ETV6: variants seen among roughly 807,000 people sequenced by gnomAD.
ETV6 encodes transcription factor ETV6.
A neutral mutation model predicts 51.1 loss-of-function variants in ETV6; 16 were observed. The ratio of observed to expected loss-of-function variants is 0.31; its 90% CI spans 0.21 to 0.48. The LOEUF (loss-of-function observed/expected upper bound fraction) is 0.48, where lower values mean the gene tolerates loss of function less well. Among genes scored for constraint, ETV6 ranks in the 20% least tolerant of loss-of-function variants. The pLI is 0.99. For missense variants in ETV6, 458 were observed against 594.8 expected (o/e 0.77, Z 2.39); for synonymous variants, 240 against 224.1 (o/e 1.07, Z -0.64).
In ETV6 at chr12:11,868,158, C is replaced by T. The variant is rs554211918; in HGVS notation, c.464-1266C>T. 6.6e-5 allele frequency among the ~76,000 whole-genome samples: 10 copies of T among 152,262 alleles called. No individual in the cohort carries two copies. In the South Asian group the frequency reaches 1.7e-3, roughly 25 times the overall value. On this transcript the variant is annotated intron_variant, in intron 4 of 7. Coordinates refer to ENST00000396373, the MANE Select transcript of ETV6 (RefSeq NM_001987.5). ...TTTCAAGTTCAGTAAGATTGTCATT[C>T]TGTAAATTGGGGCCACTGTGCATGC... is the stretch of plus-strand genomic sequence containing the variant.
intron 1 of ETV6, among the ~76,000 whole-genome samples, chr12:11,664,860 C>T (rs1417963646): frequency 1.3e-5 from 2 of 152,310 alleles, no homozygotes; most frequent in African/African-American, 2.4e-5. Context: ...CCCAACACAA[C>T]TTGGAATGAT....
chr12:11,667,632 C>T (rs551643874), intron 1 of ETV6, among the ~76,000 whole-genome samples: 1 of 150,618 alleles, frequency 6.6e-6, no homozygotes, highest in East Asian at 1.9e-4. Context: ...TGGGCTCCAG[C>T]GATCCTCCCA....
intron 2 of ETV6, among the ~76,000 whole-genome samples, chr12:11,798,359 C>T (rs560064056): frequency 1.1e-4 from 16 of 152,116 alleles, no homozygotes; most frequent in South Asian, 2.1e-4. Flanking sequence ...ATTATAAGAT[C>T]GGGGGCAGAA....
At chr12:11,656,830 T>G (rs1864008158) in intron 1 of ETV6, among the ~76,000 whole-genome samples, 1 of 152,180 alleles carries the variant, frequency 6.6e-6, no homozygotes, top group South Asian at 2.1e-4. Context: ...ACAACTTTTT[T>G]TTTTTTCCTT....
intron 5 of ETV6, among the ~76,000 whole-genome samples, chr12:11,878,166 A>G (rs1442826249): frequency 3.3e-5 from 5 of 152,204 alleles, no homozygotes; most frequent in African/African-American, 1.2e-4. Context: ...GGGAGGAGCC[A>G]TCACTCCAGC....
At chr12:11,884,710 C>G in intron 6 of ETV6, 123 bp downstream of exon 6, 1 of 1,243,446 alleles carries the variant, frequency 8.0e-7, no homozygotes, top group Admixed American at 2.4e-5. Flanking sequence ...TAGTTTATTC[C>G]TTGCTGGGCA....
intron 3 of ETV6, among the ~76,000 whole-genome samples, chr12:11,850,537 G>A (rs1402299249): frequency 6.6e-6 from 1 of 152,084 alleles, no homozygotes; most frequent in Non-Finnish European, 1.5e-5. Context: ...TAGTAATGAT[G>A]GGAGTGTTTG....
chr12:11,651,362 C>T (rs995530279), intron 1 of ETV6, among the ~76,000 whole-genome samples: 4 of 152,150 alleles, frequency 2.6e-5, no homozygotes, highest in African/African-American at 9.7e-5. Flanking sequence ...GTAGGGGAAA[C>T]GCAGTAGTTC....
chr12:11,840,161 C>T (rs532895213), intron 3 of ETV6, among the ~76,000 whole-genome samples: 3 of 152,262 alleles, frequency 2.0e-5, no homozygotes, highest in African/African-American at 7.2e-5. Flanking sequence ...CTAAAAAATA[C>T]AAGCAGAGGT....
intron 2 of ETV6, among the ~76,000 whole-genome samples, chr12:11,790,635 A>AAC (rs60479342): frequency 0.086 from 12,883 of 150,226 alleles, 623 homozygotes; most frequent in South Asian, 0.12. Context: ...CTTTCATATA[A>AAC]TTTCCGTTAA....
intron 1 of ETV6, among the ~76,000 whole-genome samples, chr12:11,734,683 T>G (rs1865669618): frequency 6.6e-6 from 1 of 152,174 alleles, no homozygotes; most frequent in South Asian, 2.1e-4. Context: ...GGGCATTATC[T>G]CCTCTAATCC....
intron 1 of ETV6, among the ~76,000 whole-genome samples, chr12:11,658,197 C>A (rs1393580229): frequency 6.6e-6 from 1 of 152,196 alleles, no homozygotes; most frequent in Non-Finnish European, 1.5e-5. Flanking sequence ...TCTGTGCCCA[C>A]ATTATACAGT....
intron 2 of ETV6, among the ~76,000 whole-genome samples, chr12:11,815,389 AACTGG>A (rs1416860468): frequency 2.0e-5 from 3 of 152,206 alleles, no homozygotes; most frequent in Non-Finnish European, 4.4e-5. Flanking sequence ...CCTGCAAGGC[AACTGG>A]TCCACATGGA....
chr12:11,726,309 A>C (rs950708242), intron 1 of ETV6, among the ~76,000 whole-genome samples: 1 of 152,196 alleles, frequency 6.6e-6, no homozygotes, highest in Non-Finnish European at 1.5e-5. Flanking sequence ...TTTCCTCAGG[A>C]AACAGTACCA....
chr12:11,872,600 TC>T (rs1946898303), intron 5 of ETV6, among the ~76,000 whole-genome samples: 2 of 151,964 alleles, frequency 1.3e-5, no homozygotes, highest in South Asian at 4.2e-4. Flanking sequence ...TTCAAGTGAT[TC>T]TCGTGCCTCA....
intron 2 of ETV6, among the ~76,000 whole-genome samples, chr12:11,794,640 T>C (rs1945650852): frequency 6.6e-6 from 1 of 152,204 alleles, no homozygotes; most frequent in East Asian, 1.9e-4. Flanking sequence ...TCTTGAGGTA[T>C]TTTCCTTTTA....
At chr12:11,671,206 A>G (rs1380708970) in intron 1 of ETV6, among the ~76,000 whole-genome samples, 1 of 152,172 alleles carries the variant, frequency 6.6e-6, no homozygotes, top group African/African-American at 2.4e-5. Context: ...GAGCTTTTTG[A>G]GAGAGGCCCA....
Position 11,813,008 on chromosome 12 carries a change from T to A in ETV6, c.164-26132T>A, listed in dbSNP as rs185741568. Among the ~76,000 whole-genome samples the A allele has an allele frequency of 4.6e-5, 7 of 151,538 alleles. No individual in the cohort carries two copies. The East Asian group carries it at 1.4e-3, about 29-fold the overall frequency. On this transcript the variant is annotated intron_variant, in intron 2 of 7. Transcript: ENST00000396373. ...CGGTGACCCGGTGCTGGGGAGGGAG[T>A]GCATGGGGTAGGCTCCTGGTTGTGA...
At chr12:11,663,451 A>G (rs1245205357) in intron 1 of ETV6, among the ~76,000 whole-genome samples, 2 of 152,234 alleles carry the variant, frequency 1.3e-5, no homozygotes, top group Admixed American at 1.3e-4. Context: ...TATATGCCAC[A>G]TGTATCGCAT....
Sources: allele counts gnomAD v4.1 joint callset (sites outside exome capture counted in the v4.1 genomes callset), GRCh38; gene constraint gnomAD v4.1.1; transcripts MANE v1.5; gene names NCBI Gene and HGNC (gene_info 2026-07-23, HGNC 2026-07-21).